Variants in DDX10 observed in about 807,000 individuals in gnomAD.
DDX10 encodes probable ATP-dependent RNA helicase DDX10.
In DDX10, 74 loss-of-function variants were observed where a neutral mutation model predicts 104.3. That is an observed-to-expected ratio of 0.71 (90% confidence interval 0.59 to 0.86). DDX10 has a LOEUF of 0.86. Ranked by LOEUF, DDX10 falls within the 40% of genes least tolerant of loss-of-function variation. DDX10 has a pLI of 0.00. For synonymous variants in DDX10, 351 were observed against 353.4 expected (o/e 0.99, Z 0.08); for missense variants, 952 against 1,040.0 (o/e 0.92, Z 1.16).
chr11:108,861,334 C>G (rs947579641), intron 16 of DDX10, among the ~76,000 whole-genome samples: 2 of 152,122 alleles, frequency 1.3e-5, no homozygotes, highest in Admixed American at 1.3e-4. Flanking sequence ...CTTTGCACCT[C>G]TAAGTCCATT....
chr11:108,768,371 A>T (rs1411232051), intron 13 of DDX10, among the ~76,000 whole-genome samples: 2 of 152,174 alleles, frequency 1.3e-5, no homozygotes, highest in African/African-American at 2.4e-5. Flanking sequence ...TCTTGAGAGG[A>T]GAAAAGGTTT....
At chr11:108,695,418 G>A (rs940916050) in intron 9 of DDX10, among the ~76,000 whole-genome samples, 4 of 152,166 alleles carry the variant, frequency 2.6e-5, no homozygotes, top group African/African-American at 7.2e-5. Flanking sequence ...CTTTCCCAGG[G>A]ATGTGAGGAT....
intron 10 of DDX10, among the ~76,000 whole-genome samples, chr11:108,713,712 T>C (rs1304041617): frequency 6.6e-6 from 1 of 152,192 alleles, no homozygotes; most frequent in Non-Finnish European, 1.5e-5. Context: ...TCTTGTAATG[T>C]TTTTCATGAT....
At chr11:108,778,530 T>C (rs2094373280) in intron 13 of DDX10, among the ~76,000 whole-genome samples, 1 of 152,136 alleles carries the variant, frequency 6.6e-6, no homozygotes, top group Non-Finnish European at 1.5e-5. Context: ...TTACACCTTA[T>C]ACAAAAATTA....
At chr11:108,870,245 T>C (rs1208552304) in intron 16 of DDX10, among the ~76,000 whole-genome samples, 1 of 152,210 alleles carries the variant, frequency 6.6e-6, no homozygotes, top group Non-Finnish European at 1.5e-5. Context: ...AATTACTAAT[T>C]GTAACAGTCT....
At chr11:108,843,140 T>A (rs1207697898) in intron 15 of DDX10, among the ~76,000 whole-genome samples, 2 of 152,192 alleles carry the variant, frequency 1.3e-5, no homozygotes, top group Non-Finnish European at 2.9e-5. Flanking sequence ...GCACCTGTAG[T>A]TCTGGCTACT....
At chr11:108,740,800 T>C (rs2094324232) in intron 13 of DDX10, among the ~76,000 whole-genome samples, 2 of 152,186 alleles carry the variant, frequency 1.3e-5, no homozygotes, top group South Asian at 4.1e-4. Flanking sequence ...TGTCTGGTCA[T>C]GTCCTTTGCC....
chr11:108,804,427 G>C (rs746765289), intron 13 of DDX10, among the ~76,000 whole-genome samples: 7 of 149,250 alleles, frequency 4.7e-5, no homozygotes, highest in Admixed American at 1.4e-4. Flanking sequence ...CTTGAGCTTG[G>C]GAGGTTGAGG....
chr11:108,718,689 C>A (rs2134472090), intron 11 of DDX10, among the ~76,000 whole-genome samples: 1 of 152,300 alleles, frequency 6.6e-6, no homozygotes, highest in East Asian at 1.9e-4. Flanking sequence ...GGTTGTCACG[C>A]ATGGTTTAGC....
At chr11:108,734,605 C>T (rs1372391090) in intron 13 of DDX10, among the ~76,000 whole-genome samples, 4 of 152,024 alleles carry the variant, frequency 2.6e-5, no homozygotes, top group South Asian at 2.1e-4. Flanking sequence ...AATATTGAGT[C>T]GTTTTCCTTT....
At chr11:108,897,141 G>C (rs1591115526) in intron 16 of DDX10, among the ~76,000 whole-genome samples, 1 of 152,064 alleles carries the variant, frequency 6.6e-6, no homozygotes. Flanking sequence ...CTTAACCAAG[G>C]AAGCACAAAT....
chr11:108,821,096 G>T (rs1045614241), intron 13 of DDX10, among the ~76,000 whole-genome samples: 1 of 152,212 alleles, frequency 6.6e-6, no homozygotes, highest in African/African-American at 2.4e-5. Flanking sequence ...CCCTCAGGGA[G>T]TTGAGTGTTT....
chr11:108,813,438 C>T (rs1274101341), intron 13 of DDX10, among the ~76,000 whole-genome samples: 1 of 152,106 alleles, frequency 6.6e-6, no homozygotes, highest in South Asian at 2.1e-4. Context: ...TTTTCTTACT[C>T]TTTTTATTCA....
At chr11:108,666,174 G>A (rs1309934157) in intron 1 of DDX10, among the ~76,000 whole-genome samples, 1 of 152,090 alleles carries the variant, frequency 6.6e-6, no homozygotes, top group Non-Finnish European at 1.5e-5. Context: ...GTACAATCAG[G>A]GATTTAACAG....
intron 15 of DDX10, among the ~76,000 whole-genome samples, chr11:108,844,433 A>G (rs1340342959): frequency 6.6e-6 from 1 of 152,242 alleles, no homozygotes; most frequent in Non-Finnish European, 1.5e-5. Context: ...TAGCATGTTT[A>G]CTACAATAGC....
chr11:108,698,987 C>A (rs1381787399), intron 9 of DDX10, among the ~76,000 whole-genome samples: 1 of 152,224 alleles, frequency 6.6e-6, no homozygotes, highest in African/African-American at 2.4e-5. Flanking sequence ...CCCAACCACT[C>A]CTTTTAACCC....
chr11:108,713,399 A>ATCAAGTTCAGAG (rs1236356233), intron 10 of DDX10, among the ~76,000 whole-genome samples: 7 of 152,126 alleles, frequency 4.6e-5, no homozygotes. Flanking sequence ...GGAAGTTTTT[A>ATCAAGTTCAGAG]TCAAGTTCAG....
chr11:108,706,939 A>G, intron 10 of DDX10, 102 bp downstream of exon 10: 2 of 924,320 alleles, frequency 2.2e-6, no homozygotes, highest in East Asian at 2.4e-5. Context: ...AATTTATTCA[A>G]CTGCCTGGTT....
chr11:108,799,332 CTG>C (rs1362378733), intron 13 of DDX10, among the ~76,000 whole-genome samples: 1 of 152,208 alleles, frequency 6.6e-6, no homozygotes, highest in Non-Finnish European at 1.5e-5. Flanking sequence ...CATCAAATGA[CTG>C]AGAATTTTCC....
Sources: gnomAD v4.1 joint callset for allele counts (sites outside exome capture counted in the v4.1 genomes callset) on GRCh38, gnomAD v4.1.1 for gene constraint, MANE v1.5 for transcripts, NCBI Gene and HGNC (gene_info 2026-07-23, HGNC 2026-07-21) for gene names.